ACO2: variants seen among roughly 807,000 people sequenced by gnomAD.
ACO2 encodes the protein aconitate hydratase, mitochondrial.
ACO2 carries 31 observed loss-of-function variants against 84.5 expected under a neutral mutation model. The observed-to-expected ratio is 0.37, with a 90% CI of 0.28 to 0.50. The LOEUF (loss-of-function observed/expected upper bound fraction) is 0.50. Among genes scored for constraint, ACO2 ranks in the 20% least tolerant of loss-of-function variants. ACO2 has a pLI of 0.97. For missense variants in ACO2, 685 were observed against 1,029.3 expected (o/e 0.67, Z 4.58); for synonymous variants, 414 against 412.7 (o/e 1.00, Z -0.04).
chr22:41,474,701 C>G (rs2037990363), intron 1 of ACO2, among the ~76,000 whole-genome samples: 1 of 150,780 alleles, frequency 6.6e-6, no homozygotes, highest in Admixed American at 6.6e-5. Flanking sequence ...CAGGTTCACG[C>G]CATTCTCCTG....
intron 8 of ACO2, among the ~76,000 whole-genome samples, chr22:41,518,957 G>GA (rs1446158408): frequency 2.6e-5 from 4 of 152,008 alleles, no homozygotes; most frequent in African/African-American, 9.7e-5. Context: ...AACAAAACAA[G>GA]AAAAACCTCA....
Position 41,515,566 on chromosome 22 carries a change from G to C in ACO2, c.684+31G>C, listed in dbSNP as rs199564824. Reference sequence around the variant, plus strand: ...GGTGGGGAGGGACTCATTCTGGGCTGGCTGTGGGGTGGTGGTTGGTGGGGA... The same window carrying C: ...GGTGGGGAGGGACTCATTCTGGGCTCGCTGTGGGGTGGTGGTTGGTGGGGA... On this transcript the variant is annotated intron_variant, in intron 5 of 17. Coordinates refer to ENST00000216254, the MANE Select transcript of ACO2 (RefSeq NM_001098.3). This position sits in a 1 kb window ranked among gnomAD's most constrained non-coding sequence, Gnocchi z 5.8. 3.1e-6 allele frequency: 5 copies of C among 1,591,662 alleles called. No homozygotes were observed. The Admixed American group carries it at 8.6e-5, about 27-fold the overall frequency.
Position 41,515,874 on chromosome 22 carries a change from C to T in ACO2, c.792C>T (p.Ile264=), listed in dbSNP as rs748474998. Reference sequence around the variant, plus strand: ...CGGTGAAAGGTGGCACAGGTGCAATCGTGGAATACCACGGGCCTGGTGTAG... The same window carrying T: ...CGGTGAAAGGTGGCACAGGTGCAATTGTGGAATACCACGGGCCTGGTGTAG... ...ILTVKGGTGA[I]VEYHGPGVDS... is the part of the protein sequence containing the mutation. The change falls in exon 6 of 18, where the codon ATC becomes ATT. Residue 264 remains isoleucine, a synonymous_variant. Transcript: ENST00000216254. This position sits in a 1 kb window ranked among gnomAD's most constrained non-coding sequence, Gnocchi z 5.8. The T allele has an allele frequency of 2.5e-5, 40 of 1,614,100 alleles. No homozygotes were observed. In the South Asian group the frequency reaches 3.2e-4, roughly 13 times the overall value.
intron 1 of ACO2, among the ~76,000 whole-genome samples, chr22:41,492,260 T>G (rs776551908): frequency 1.6e-4 from 25 of 152,254 alleles, no homozygotes; most frequent in Non-Finnish European, 2.8e-4. Context: ...ATATGAGAGA[T>G]ATGTGGTCCA....
rs2038141665 is a variant in ACO2, at chr22:41,485,479, C to T, written c.37-14247C>T. Among the ~76,000 whole-genome samples the T allele has an allele frequency of 3.1e-5, 4 of 129,894 alleles. No homozygotes were observed. The South Asian group carries it at 7.5e-4, about 24-fold the overall frequency. 85.2% of individuals were successfully genotyped at this position (129,894 alleles called of 152,430 possible). On this transcript the variant is annotated intron_variant, in intron 1 of 17. Coordinates refer to ENST00000216254, the MANE Select transcript of ACO2 (RefSeq NM_001098.3). Reference sequence around the variant, plus strand: ...TTTTTGAGACGGAGTCTCGCTCTGTCGCCCAGTCTGGAGTGCAGTGGCACG... The same window carrying T: ...TTTTTGAGACGGAGTCTCGCTCTGTTGCCCAGTCTGGAGTGCAGTGGCACG...
chr22:41,488,638 T>C (rs1424508911), intron 1 of ACO2, among the ~76,000 whole-genome samples: 5 of 152,198 alleles, frequency 3.3e-5, no homozygotes, highest in Non-Finnish European at 7.3e-5. Context: ...TGTGCACACA[T>C]GTAGCTCGTT....
intron 1 of ACO2, among the ~76,000 whole-genome samples, chr22:41,497,481 GC>G (rs1340514882): frequency 2.0e-5 from 3 of 152,136 alleles, no homozygotes; most frequent in African/African-American, 7.2e-5. Context: ...AGCGGCTCAT[GC>G]CTGTAATCTC....
intron 2 of ACO2, among the ~76,000 whole-genome samples, chr22:41,504,790 C>T (rs2066381138): frequency 7.7e-6 from 1 of 129,384 alleles, no homozygotes; most frequent in Non-Finnish European, 1.6e-5. Flanking sequence ...GTGGTTCGAT[C>T]ATGGCTTACT....
intron 1 of ACO2, among the ~76,000 whole-genome samples, chr22:41,499,091 CAAA>C (rs537284651): frequency 7.7e-5 from 6 of 77,862 alleles, no homozygotes; most frequent in Non-Finnish European, 8.0e-5. Context: ...GACTCCGTCT[CAAA>C]AAAAAAAAAA....
intron 3 of ACO2, among the ~76,000 whole-genome samples, chr22:41,509,561 G>T (rs1413822726): frequency 6.6e-6 from 1 of 152,132 alleles, no homozygotes; most frequent in African/African-American, 2.4e-5. Flanking sequence ...ATAACCTGAG[G>T]ACTGAACATA....
chr22:41,476,996 A>G (rs945986103), intron 1 of ACO2, among the ~76,000 whole-genome samples: 2 of 151,520 alleles, frequency 1.3e-5, no homozygotes, highest in African/African-American at 2.4e-5. Flanking sequence ...TAAAATACAA[A>G]AAATTAACTG....
chr22:41,469,224 G>T (rs781678227), intron 1 of ACO2, 42 bp downstream of exon 1: 12 of 1,593,470 alleles, frequency 7.5e-6, no homozygotes, highest in Non-Finnish European at 1.0e-5. Context: ...GGGGCGGGGT[G>T]CCTCCTACTG....
intron 2 of ACO2, among the ~76,000 whole-genome samples, chr22:41,503,276 G>A (rs2066366527): frequency 6.7e-6 from 1 of 149,714 alleles, no homozygotes; most frequent in African/African-American, 2.5e-5. Context: ...TTTTTTTAAA[G>A]TCCAATAACT....
chr22:41,506,846 C>T (rs1187975278), intron 2 of ACO2, among the ~76,000 whole-genome samples: 1 of 151,988 alleles, frequency 6.6e-6, no homozygotes, highest in Non-Finnish European at 1.5e-5. Context: ...GGGGGCAGAG[C>T]GTGAGGTCTG....
At chr22:41,524,714 G>A (rs2066562824) in intron 12 of ACO2, 132 bp from the exon 13 acceptor site, 4 of 1,412,038 alleles carry the variant, frequency 2.8e-6, no homozygotes, top group Non-Finnish European at 3.9e-6. Flanking sequence ...GGCCTCTGAG[G>A]AACACAGGGG....
intron 1 of ACO2, among the ~76,000 whole-genome samples, chr22:41,470,102 C>T (rs1279966512): frequency 1.3e-5 from 2 of 152,200 alleles, no homozygotes; most frequent in South Asian, 2.1e-4. Context: ...CTGTTAGGAG[C>T]TATCTAGAAA....
chr22:41,517,294 C>G, intron 6 of ACO2: 1 of 505,182 alleles, frequency 2.0e-6, no homozygotes, highest in South Asian at 2.0e-5. Flanking sequence ...TCATTCTACC[C>G]AGCAGCCACC....
Position 41,528,665 on chromosome 22 carries a change from C to T in ACO2, c.*52C>T. ...GGCGTCAAGTTCAGCTCCACGTGTG[C>T]CATCAGTGGATCCGATCCGTCCAGC... is the stretch of plus-strand genomic sequence containing the variant. On this transcript the variant is annotated 3_prime_UTR_variant, in exon 18 of 18. Coordinates refer to ENST00000216254, the MANE Select transcript of ACO2 (RefSeq NM_001098.3). 3 of 1,598,978 alleles carry T rather than the reference C, an allele frequency of 1.9e-6. No homozygotes were observed. The highest frequency in any genetic ancestry group is 2.2e-5 in the East Asian group (1 of 44,740).
chr22:41,475,356 G>A (rs548583295), intron 1 of ACO2, among the ~76,000 whole-genome samples: 4 of 151,530 alleles, frequency 2.6e-5, no homozygotes, highest in Admixed American at 2.6e-4. Context: ...ATTTTTTGTG[G>A]AGATGGGGAT....
Sources: gnomAD v4.1 joint callset for allele counts (sites outside exome capture counted in the v4.1 genomes callset) on GRCh38, gnomAD v4.1.1 for gene constraint, Gnocchi (gnomAD v3.1) non-coding constraint, MANE v1.5 for transcripts, NCBI Gene and HGNC (gene_info 2026-07-23, HGNC 2026-07-21) for gene names.